Variants in MCTP1 observed in about 807,000 individuals in gnomAD.
MCTP1 encodes multiple C2 and transmembrane domain-containing protein 1.
MCTP1 carries 69 observed loss-of-function variants against 120.6 expected under a neutral mutation model. The observed-to-expected ratio is 0.57, with a 90% CI of 0.47 to 0.70. MCTP1 has a LOEUF of 0.70. Among genes scored for constraint, MCTP1 ranks in the 30% least tolerant of loss-of-function variants. MCTP1 has a pLI of 0.00. For missense variants in MCTP1, 1,203 were observed against 1,248.8 expected, an observed-to-expected ratio of 0.96 and a Z score of 0.55; for synonymous variants, 529 against 493.1, an observed-to-expected ratio of 1.07 and a Z score of -0.96.
At chr5:94,875,324 G>A (rs964862462) in intron 12 of MCTP1, among the ~76,000 whole-genome samples, 1 of 152,112 alleles carries the variant, frequency 6.6e-6, no homozygotes, top group Non-Finnish European at 1.5e-5. Context: ...GCTGTGCCAG[G>A]CATTTCCAGG....
intron 1 of MCTP1, among the ~76,000 whole-genome samples, chr5:95,255,741 C>T (rs1286361507): frequency 6.6e-6 from 1 of 152,114 alleles, no homozygotes; most frequent in Non-Finnish European, 1.5e-5. Context: ...ACTTGAGAAG[C>T]AGAGTGTCAG....
intron 1 of MCTP1, among the ~76,000 whole-genome samples, chr5:95,166,478 C>T (rs1274117598): frequency 4.6e-5 from 7 of 152,132 alleles, no homozygotes; most frequent in Non-Finnish European, 8.8e-5. Flanking sequence ...TCAAAAGCCA[C>T]TCCATAATTC....
At chr5:95,160,975 T>G (rs1745665691) in intron 1 of MCTP1, among the ~76,000 whole-genome samples, 1 of 152,166 alleles carries the variant, frequency 6.6e-6, no homozygotes, top group African/African-American at 2.4e-5. Context: ...GAAAGGGAAC[T>G]CTTGTGAACT....
intron 1 of MCTP1, among the ~76,000 whole-genome samples, chr5:95,276,109 T>A (rs1166407122): frequency 6.6e-6 from 1 of 152,054 alleles, no homozygotes; most frequent in African/African-American, 2.4e-5. Context: ...TGGGGTTTTT[T>A]AACTAAGCTC....
Position 94,931,990 on chromosome 5 carries a change from G to A in MCTP1, c.1175C>T (p.Thr392Ile), listed in dbSNP as rs752302604. Residue 392 changes from threonine to isoleucine, a missense_variant and splice_region_variant, in exon 6 of 23, where the codon ACA (threonine) becomes ATA (isoleucine). Physicochemically the swap from Thr to Ile is moderately conservative, Grantham distance 89. Coordinates refer to ENST00000515393, the MANE Select transcript of MCTP1 (RefSeq NM_024717.7). ...TPKEGESRDV[T>I]MLMRKSWKRS... ...TTTCCAACTCTTCCTCATTAGCATT[G>A]TCTGTAAATAAAATAAAGCATTTTC... 3 of 1,592,644 alleles carry A rather than the reference G, an allele frequency of 1.9e-6. No homozygotes were observed. Among genetic ancestry groups the A allele is most frequent in the South Asian group, 2.2e-5 (2 of 90,340 alleles).
chr5:95,280,800 A>G (rs1207532178), intron 1 of MCTP1, among the ~76,000 whole-genome samples: 3 of 152,224 alleles, frequency 2.0e-5, no homozygotes, highest in East Asian at 3.8e-4. Flanking sequence ...CATGGAAAGT[A>G]GCCTGGTTTG....
chr5:94,778,943 C>T (rs1776002479), intron 19 of MCTP1, among the ~76,000 whole-genome samples, 167 bp downstream of exon 19: 1 of 152,082 alleles, frequency 6.6e-6, no homozygotes, highest in Non-Finnish European at 1.5e-5. Flanking sequence ...GATTTATAGC[C>T]TTCTCTCCCT....
At chr5:95,078,662 T>G (rs951602576) in intron 1 of MCTP1, among the ~76,000 whole-genome samples, 2 of 152,182 alleles carry the variant, frequency 1.3e-5, no homozygotes, top group African/African-American at 2.4e-5. Context: ...CATTTCAAAT[T>G]ACTAAGACCA....
intron 3 of MCTP1, among the ~76,000 whole-genome samples, chr5:94,947,577 TAGAGAGAGAGAGAGAGAG>T (rs3030518): frequency 6.3e-4 from 30 of 47,396 alleles, no homozygotes; most frequent in Middle Eastern, 0.014. Flanking sequence ...TATATATATA[TAGAGAGAGAGAGAGAGAG>T]AGAGAGAGAG....
intron 1 of MCTP1, among the ~76,000 whole-genome samples, chr5:95,219,013 A>G (rs1467143892): frequency 1.3e-5 from 2 of 152,154 alleles, no homozygotes; most frequent in African/African-American, 4.8e-5. Context: ...CTGGTTTTTC[A>G]TCCTATTCAT....
intron 1 of MCTP1, among the ~76,000 whole-genome samples, chr5:95,138,094 T>C (rs1048631519): frequency 6.6e-6 from 1 of 152,144 alleles, no homozygotes; most frequent in African/African-American, 2.4e-5. Flanking sequence ...CCCACTTTTG[T>C]TTTTCTGGTC....
intron 1 of MCTP1, among the ~76,000 whole-genome samples, chr5:95,172,425 C>T (rs1341799409): frequency 2.0e-5 from 3 of 152,208 alleles, no homozygotes; most frequent in Non-Finnish European, 4.4e-5. Flanking sequence ...CCACTACTCT[C>T]TTCAAAGCTG....
At chr5:94,899,020 A>G (rs768003545) in intron 10 of MCTP1, among the ~76,000 whole-genome samples, 2 of 152,246 alleles carry the variant, frequency 1.3e-5, no homozygotes, top group African/African-American at 2.4e-5. Flanking sequence ...GCAATGAAAT[A>G]GTATTCCTCA....
intron 17 of MCTP1, among the ~76,000 whole-genome samples, chr5:94,842,927 A>G (rs1791452723): frequency 6.6e-6 from 1 of 151,976 alleles, no homozygotes; most frequent in African/African-American, 2.4e-5. Context: ...TTCAGGGGAC[A>G]GAGTATTTGC....
At chr5:95,123,484 C>T (rs1758388482) in intron 1 of MCTP1, among the ~76,000 whole-genome samples, 1 of 152,156 alleles carries the variant, frequency 6.6e-6, no homozygotes, top group Admixed American at 6.5e-5. Context: ...GAAATGACAT[C>T]CACCTTGAGT....
chr5:95,156,494 C>T (rs1234976201), intron 1 of MCTP1, among the ~76,000 whole-genome samples: 1 of 152,272 alleles, frequency 6.6e-6, no homozygotes, highest in East Asian at 1.9e-4. Flanking sequence ...GCAATGATCC[C>T]CATTCTCTAG....
chr5:94,751,184 C>CA (rs1213558336), intron 19 of MCTP1, among the ~76,000 whole-genome samples: 1 of 151,974 alleles, frequency 6.6e-6, no homozygotes, highest in African/African-American at 2.4e-5. Context: ...GTAGAGCGAC[C>CA]AAGGGCCTTT....
intron 1 of MCTP1, among the ~76,000 whole-genome samples, chr5:95,078,970 G>C (rs1754274483): frequency 6.6e-6 from 1 of 152,154 alleles, no homozygotes; most frequent in South Asian, 2.1e-4. Context: ...CCTGTAGAGT[G>C]AGATTTGGAA....
At chr5:95,093,464 CT>C (rs1392097283) in intron 1 of MCTP1, among the ~76,000 whole-genome samples, 1 of 152,112 alleles carries the variant, frequency 6.6e-6, no homozygotes, top group Admixed American at 6.5e-5. Flanking sequence ...GGGCAGATAA[CT>C]TGTTTCTTCA....
Sources: gnomAD v4.1 joint callset for allele counts (sites outside exome capture counted in the v4.1 genomes callset) on GRCh38, gnomAD v4.1.1 for gene constraint, MANE v1.5 for transcripts, NCBI Gene and HGNC (gene_info 2026-07-23, HGNC 2026-07-21) for gene names.